The following RYR2 variants were observed in gnomAD, a reference collection of about 807,000 sequenced individuals.
The protein encoded by RYR2 is cardiac muscle ryanodine receptor-calcium release channel.
In RYR2, 227 loss-of-function variants were observed where a neutral mutation model predicts 601.1. That is an observed-to-expected ratio of 0.38 (90% CI 0.34 to 0.42). RYR2 has a LOEUF of 0.42. RYR2 is among the 10% of genes least tolerant of loss of function. RYR2 has a pLI of 1.00. For synonymous variants in RYR2, 2,223 were observed against 2,175.1 expected, an observed-to-expected ratio of 1.02 and a Z score of -0.61; for missense variants, 4,646 against 6,156.5, an observed-to-expected ratio of 0.75 and a Z score of 8.21.
At chr1:237,340,631 G>T (rs1013549173) in intron 3 of RYR2, among the ~76,000 whole-genome samples, 4 of 152,102 alleles carry the variant, frequency 2.6e-5, no homozygotes, top group Admixed American at 2.0e-4. Flanking sequence ...ATTTTAAGAG[G>T]CTGTGTTCTG....
rs904959588 is a variant in RYR2 at position 237,708,765 on chromosome 1, A to G, written c.9902-93A>G. 3.5e-6 allele frequency: 4 copies of G among 1,136,932 alleles called. No individual in the cohort carries two copies. In the African/African-American group the frequency reaches 6.2e-5, roughly 18 times the overall value. 70.4% of individuals were successfully genotyped at this position (1,136,932 alleles called of 1,614,324 possible). ...TAAGGAAGTCATGTGCTGGAGAAGG[A>G]GGCTTTAATTATGTTACAATTGTAA... is the stretch of plus-strand genomic sequence containing the variant. On this transcript the variant is annotated intron_variant, in intron 68 of 104. Coordinates refer to ENST00000366574, the MANE Select transcript of RYR2 (RefSeq NM_001035.3).
intron 22 of RYR2, among the ~76,000 whole-genome samples, chr1:237,503,969 A>G (rs1241073054): frequency 6.6e-6 from 1 of 152,156 alleles, no homozygotes; most frequent in East Asian, 1.9e-4. Context: ...TGGCCTCCCA[A>G]AGTGTTGGGA....
At chr1:237,692,781 C>G (rs1189124090) in intron 63 of RYR2, among the ~76,000 whole-genome samples, 1 of 152,168 alleles carries the variant, frequency 6.6e-6, no homozygotes, top group Non-Finnish European at 1.5e-5. Flanking sequence ...AAAGGCTTCC[C>G]TGACCTCCTT....
chr1:237,112,927 C>T (rs1021937748), intron 1 of RYR2, among the ~76,000 whole-genome samples: 13 of 152,074 alleles, frequency 8.5e-5, no homozygotes, highest in African/African-American at 2.7e-4. Context: ...AGTGCCCTAC[C>T]TTGCAGAGCC....
At chr1:237,541,110 T>C (rs1356956065) in intron 25 of RYR2, among the ~76,000 whole-genome samples, 3 of 152,222 alleles carry the variant, frequency 2.0e-5, no homozygotes, top group African/African-American at 7.2e-5. Flanking sequence ...TCTGTAAAGA[T>C]GAGGCACTGT....
rs878854160 is a variant in RYR2, at chr1:237,625,772, A to T, written c.6134A>T (p.Glu2045Val). 1 of 1,613,722 alleles carries T rather than the reference A, an allele frequency of 6.2e-7. No homozygotes were observed. ...KVTYLKKKQAEKPVESDSKKS... is the reference protein window; with the variant it reads ...KVTYLKKKQAVKPVESDSKKS... ...ACATATCTGAAGAAGAAGCAAGCAGAAAAACCAGTTGAGAGTGACTCCAAA... is the reference window on the plus strand; with the variant it reads ...ACATATCTGAAGAAGAAGCAAGCAGTAAAACCAGTTGAGAGTGACTCCAAA... Residue 2045 changes from glutamate (E) to valine (V), a missense_variant, in exon 40 of 105, where the codon GAA (glutamate) becomes GTA (valine). By Grantham distance (121) the Glu-to-Val change is moderately radical. Coordinates refer to ENST00000366574, the MANE Select transcript of RYR2 (RefSeq NM_001035.3).
intron 97 of RYR2, among the ~76,000 whole-genome samples, chr1:237,800,680 G>T (rs1259086620): frequency 6.6e-6 from 1 of 152,160 alleles, no homozygotes; most frequent in Admixed American, 6.5e-5. Flanking sequence ...ATATTGGAAA[G>T]GCTGGGAAAG....
intron 2 of RYR2, among the ~76,000 whole-genome samples, chr1:237,286,986 C>T (rs1691644260): frequency 6.6e-6 from 1 of 152,098 alleles, no homozygotes; most frequent in Non-Finnish European, 1.5e-5. Flanking sequence ...ATTCTGAGCT[C>T]CTTTTAGCAG....
At chr1:237,446,870 T>C (rs1708388709) in intron 14 of RYR2, among the ~76,000 whole-genome samples, 2 of 152,216 alleles carry the variant, frequency 1.3e-5, no homozygotes, top group South Asian at 4.1e-4. Context: ...ATATAGTATT[T>C]ATTTCTTACA....
intron 11 of RYR2, among the ~76,000 whole-genome samples, 200 bp downstream of exon 11, chr1:237,417,323 A>G (rs1216852830): frequency 1.3e-5 from 2 of 152,010 alleles, no homozygotes; most frequent in African/African-American, 4.8e-5. Context: ...TTCACCAGCT[A>G]GCAAACCTGA....
intron 2 of RYR2, among the ~76,000 whole-genome samples, chr1:237,308,501 G>A (rs12728161): frequency 0.34 from 51,340 of 152,052 alleles, 8,901 homozygotes; most frequent in South Asian, 0.51. Flanking sequence ...GAATTGGTGG[G>A]TTCTTGGTCT....
intron 10 of RYR2, among the ~76,000 whole-genome samples, chr1:237,388,701 C>T (rs1483342940): frequency 6.6e-6 from 1 of 152,000 alleles, no homozygotes; most frequent in Non-Finnish European, 1.5e-5. Flanking sequence ...GACAAGATTA[C>T]AATAGTATGA....
intron 27 of RYR2, among the ~76,000 whole-genome samples, chr1:237,565,207 CTTTCTTTCTTTCTTTCTTTT>C (rs1671924127): frequency 1.2e-4 from 11 of 95,308 alleles, no homozygotes; most frequent in South Asian, 6.6e-4. Context: ...TTCTTTCTTT[CTTTCTTTCTTTCTTTCTTTT>C]GTCTTTCTTT....
At chr1:237,176,701 A>G (rs989139049) in intron 1 of RYR2, among the ~76,000 whole-genome samples, 1 of 152,136 alleles carries the variant, frequency 6.6e-6, no homozygotes, top group Non-Finnish European at 1.5e-5. Flanking sequence ...TGGCAACTAC[A>G]TGTTCTTTAA....
At chr1:237,539,269 C>T (rs1572781500) in intron 25 of RYR2, among the ~76,000 whole-genome samples, 1 of 152,182 alleles carries the variant, frequency 6.6e-6, no homozygotes, top group South Asian at 2.1e-4. Context: ...CATGTATTTC[C>T]TGAGTGCCAG....
chr1:237,744,349 T>TTAAAAAAA (rs1691873891), intron 80 of RYR2, among the ~76,000 whole-genome samples: 1 of 141,064 alleles, frequency 7.1e-6, no homozygotes, highest in Admixed American at 7.1e-5. Context: ...TTTGTTTGTT[T>TTAAAAAAA]AAAAAAAAAA....
intron 1 of RYR2, among the ~76,000 whole-genome samples, chr1:237,253,009 A>C (rs921634452): frequency 1.3e-5 from 2 of 152,034 alleles, no homozygotes; most frequent in African/African-American, 4.8e-5. Context: ...TACTAAAAAT[A>C]CAAAAATGAG....
rs145575996 is a variant in RYR2 at position 237,558,207 on chromosome 1, C to T, written c.3214+7516C>T. Reference sequence around the variant, plus strand: ...GTAGGAAAGAAGTAAAGATTGAAGACGCTGCAAAAACCTGTGTACAGGGAA... The same window carrying T: ...GTAGGAAAGAAGTAAAGATTGAAGATGCTGCAAAAACCTGTGTACAGGGAA... On this transcript the variant is annotated intron_variant, in intron 27 of 104. Coordinates refer to ENST00000366574, the MANE Select transcript of RYR2 (RefSeq NM_001035.3). Among the ~76,000 whole-genome samples the T allele has an allele frequency of 7.8e-4, 118 of 152,216 alleles. 2 individuals carry two copies. In the East Asian group the frequency reaches 0.02, roughly 25 times the overall value.
intron 25 of RYR2, among the ~76,000 whole-genome samples, chr1:237,541,589 G>A (rs1017457976): frequency 2.6e-5 from 4 of 152,024 alleles, no homozygotes; most frequent in African/African-American, 9.7e-5. Context: ...ATGCGCGTCC[G>A]TGTGAAGAGA....
Sources: gnomAD v4.1 joint callset for allele counts (sites outside exome capture counted in the v4.1 genomes callset) on GRCh38, gnomAD v4.1.1 for gene constraint, MANE v1.5 for transcripts, NCBI Gene and HGNC (gene_info 2026-07-23, HGNC 2026-07-21) for gene names.